The following USP15 variants were observed in gnomAD, a reference collection of about 807,000 sequenced individuals.
USP15 encodes ubiquitin specific peptidase 15.
A neutral mutation model predicts 127.1 loss-of-function variants in USP15; 18 were observed. That is an observed-to-expected ratio of 0.14 (90% confidence interval 0.10 to 0.21). The LOEUF is 0.21. Among genes scored for constraint, USP15 ranks in the 10% least tolerant of loss-of-function variants. The probability of loss-of-function intolerance (pLI) is 1.00; values close to 1 mark genes in which losing one functional copy is unlikely to be tolerated. For synonymous variants in USP15, 364 were observed against 393.7 expected (o/e 0.92, Z 0.89); for missense variants, 805 against 1,159.9 (o/e 0.69, Z 4.44).
At chr12:62,288,960 T>A (rs2063867023) in intron 1 of USP15, among the ~76,000 whole-genome samples, 1 of 152,170 alleles carries the variant, frequency 6.6e-6, no homozygotes, top group South Asian at 2.1e-4. Flanking sequence ...TGGTGTATTA[T>A]CTTTTCGAAT....
chr12:62,292,720 C>T (rs985962328), intron 1 of USP15, among the ~76,000 whole-genome samples: 4 of 152,148 alleles, frequency 2.6e-5, no homozygotes, highest in African/African-American at 9.7e-5. Flanking sequence ...CTTGCAGCCC[C>T]AAGCAGAGAG....
chr12:62,392,755 T>C (rs2067363768), intron 18 of USP15, among the ~76,000 whole-genome samples: 1 of 152,182 alleles, frequency 6.6e-6, no homozygotes, highest in Non-Finnish European at 1.5e-5. Context: ...TTCTAATACC[T>C]GTCTTCCAGC....
rs2068146711 is a variant in USP15 at position 62,416,040 on chromosome 12, C to T, written c.*11665C>T. The T allele has an allele frequency of 1.3e-5, 2 of 152,164 alleles. No homozygotes were observed. The highest frequency in any genetic ancestry group is 2.4e-5 in the African/African-American group (1 of 41,434). The allele number at this position is 152,164 out of a possible 1,614,324, so 9.4% of individuals were successfully genotyped here. On this transcript the variant is annotated 3_prime_UTR_variant, in exon 22 of 22. Transcript: ENST00000280377. ...CAGTCCACCCAGGTTGCCTGTTAAC[C>T]TGGTGCTTGAAGGAAAAAAAGTAAG...
chr12:62,371,169 G>GA (rs2066653774), intron 8 of USP15, among the ~76,000 whole-genome samples: 1 of 152,086 alleles, frequency 6.6e-6, no homozygotes, highest in Non-Finnish European at 1.5e-5. Context: ...TCACCTAAAG[G>GA]ATAAAATTCA....
Position 62,260,497 on chromosome 12 carries a change from A to G in USP15, c.83A>G (p.Asp28Gly). 6.4e-7 allele frequency: 1 copy of G among 1,551,154 alleles called. No individual in the cohort carries two copies. Among genetic ancestry groups the G allele is most frequent in the South Asian group, 1.2e-5 (1 of 84,044 alleles). ...TLLKTSLRKG[D>G]TWYLVDSRWF... Reference sequence around the variant, plus strand: ...CTCAAAACCTCGCTCCGGAAAGGGGACACCTGGTAAGAGAAAGGGGTTGAG... The same window carrying G: ...CTCAAAACCTCGCTCCGGAAAGGGGGCACCTGGTAAGAGAAAGGGGTTGAG... The change falls in exon 1 of 22, where the codon GAC (aspartate) becomes GGC (glycine). Residue 28 changes from aspartate to glycine, a missense_variant. Coordinates refer to ENST00000280377, the MANE Select transcript of USP15 (RefSeq NM_001252078.2).
At chr12:62,336,902 CTTAAAG>C (rs1452833252) in intron 6 of USP15, among the ~76,000 whole-genome samples, 10 of 152,246 alleles carry the variant, frequency 6.6e-5, no homozygotes, top group Middle Eastern at 6.8e-3. Flanking sequence ...TGGTTTAAGT[CTTAAAG>C]TTAAATGATA....
At chr12:62,387,488 G>A (rs1192604179) in intron 11 of USP15, among the ~76,000 whole-genome samples, 1 of 152,082 alleles carries the variant, frequency 6.6e-6, no homozygotes, top group Non-Finnish European at 1.5e-5. Context: ...AGAGGAATAT[G>A]ATCACAGCAA....
At chr12:62,324,640 T>C (rs1286102540) in intron 5 of USP15, among the ~76,000 whole-genome samples, 1 of 152,014 alleles carries the variant, frequency 6.6e-6, no homozygotes, top group African/African-American at 2.4e-5. Flanking sequence ...GGGATCAGTA[T>C]ATTAGGTACA....
chr12:62,367,656 C>A lies in USP15; in HGVS notation c.915+12181C>A, dbSNP rs548386951. Among the ~76,000 whole-genome samples, 7 of 152,176 alleles carry A rather than the reference C, an allele frequency of 4.6e-5. No homozygotes were observed. The East Asian group carries it at 9.6e-4, about 21-fold the overall frequency. ...ATTTCTGTGGGGTCAGTGGTGATAA[C>A]CCCTTTATCATTTTTTATTGCGTCT... On this transcript the variant is annotated intron_variant, in intron 8 of 21. Transcript: ENST00000280377.
chr12:62,401,159 G>T, intron 20 of USP15, 28 bp from the exon 21 acceptor site: 1 of 1,552,040 alleles, frequency 6.4e-7, no homozygotes, highest in Non-Finnish European at 8.8e-7. Flanking sequence ...GATCATTTTC[G>T]TCACAGTGAT....
At chr12:62,395,859 G>T (rs902714379) in intron 19 of USP15, among the ~76,000 whole-genome samples, 14 of 151,968 alleles carry the variant, frequency 9.2e-5, no homozygotes, top group African/African-American at 2.9e-4. Flanking sequence ...GTACTTCATT[G>T]TGTATATGTA....
chr12:62,371,875 T>C (rs1195667193), intron 8 of USP15, among the ~76,000 whole-genome samples: 3 of 152,164 alleles, frequency 2.0e-5, no homozygotes, highest in African/African-American at 7.2e-5. Flanking sequence ...GGTTTGTATA[T>C]TAGCTCTGCA....
At chr12:62,301,658 G>A (rs1047175505) in intron 2 of USP15, among the ~76,000 whole-genome samples, 3 of 152,244 alleles carry the variant, frequency 2.0e-5, no homozygotes, top group Admixed American at 1.3e-4. Context: ...AGCAAGTACT[G>A]TTTTCATGTA....
At position 62,408,655 on chromosome 12, in the gene USP15, CT is replaced by C. The variant is rs2067954457; in HGVS notation, c.*4282del. ...TATTGGTATTCATTCCCAAATAATT[CT>C]TCTAAGTACCACTTGACCAGAGGAT... On this transcript the variant is annotated 3_prime_UTR_variant, in exon 22 of 22. Coordinates refer to ENST00000280377, the MANE Select transcript of USP15 (RefSeq NM_001252078.2). The C allele has an allele frequency of 6.6e-6, 1 of 152,020 alleles. No homozygotes were observed. The highest frequency in any genetic ancestry group is 1.5e-5 in the Non-Finnish European group (1 of 67,986). 9.4% of individuals were successfully genotyped at this position (152,020 alleles called of 1,614,324 possible).
At chr12:62,260,619 C>A in intron 1 of USP15, 116 bp downstream of exon 1, 1 of 990,186 alleles carries the variant, frequency 1.0e-6, no homozygotes, top group Non-Finnish European at 1.5e-6. Context: ...GCGGCGGCCG[C>A]CGGGGCAGCG....
chr12:62,326,987 A>G (rs995943015), intron 6 of USP15, among the ~76,000 whole-genome samples: 1 of 151,974 alleles, frequency 6.6e-6, no homozygotes, highest in African/African-American at 2.4e-5. Flanking sequence ...AAAATTAGCC[A>G]GGAGTGATGA....
At chr12:62,269,310 A>G (rs1363982526) in intron 1 of USP15, among the ~76,000 whole-genome samples, 2 of 152,088 alleles carry the variant, frequency 1.3e-5, no homozygotes, top group African/African-American at 2.4e-5. Context: ...GTCAATTCTA[A>G]TACAATGGTA....
At position 62,402,566 on chromosome 12, in the gene USP15, G is replaced by A. The variant is rs80107595; in HGVS notation, c.2763+1291G>A. Among the ~76,000 whole-genome samples the A allele has an allele frequency of 7.7e-3, 1,175 of 151,968 alleles. 14 individuals carry two copies. Among genetic ancestry groups the A allele is most frequent in the East Asian group, 0.055 (286 of 5,166 alleles). ...AAAAGGTGTTCTAAGCAAAGAAAAC[G>A]GTATCTACAAAAACAAGGAGGCATG... On this transcript the variant is annotated intron_variant, in intron 21 of 21. Transcript: ENST00000280377.
chr12:62,327,201 T>C (rs1372142494), intron 6 of USP15, among the ~76,000 whole-genome samples: 1 of 144,586 alleles, frequency 6.9e-6, no homozygotes, highest in African/African-American at 2.7e-5. Flanking sequence ...TCTATCCTTT[T>C]TTATCTTACG....
Sources: gnomAD v4.1 joint callset for allele counts (sites outside exome capture counted in the v4.1 genomes callset) on GRCh38, gnomAD v4.1.1 for gene constraint, MANE v1.5 for transcripts, NCBI Gene and HGNC (gene_info 2026-07-23, HGNC 2026-07-21) for gene names.